The following RAB18 variants were observed in gnomAD, a reference collection of about 807,000 sequenced individuals.
RAB18 encodes RAB18, member RAS oncogene family.
RAB18 carries 10 observed loss-of-function variants against 28.5 expected under a neutral mutation model. The observed-to-expected ratio is 0.35, with a 90% confidence interval of 0.22 to 0.60. The LOEUF is 0.60. Ranked by LOEUF, RAB18 falls within the 20% of genes least tolerant of loss-of-function variation. RAB18 has a pLI of 0.78. For missense variants in RAB18, 188 were observed against 244.2 expected, an observed-to-expected ratio of 0.77 and a Z score of 1.53; for synonymous variants, 93 against 86.9, an observed-to-expected ratio of 1.07 and a Z score of -0.39.
chr10:27,517,180 T>C (rs538390958), intron 2 of RAB18, among the ~76,000 whole-genome samples: 31 of 152,164 alleles, frequency 2.0e-4, no homozygotes, highest in African/African-American at 7.0e-4. Flanking sequence ...CTGTCCAACA[T>C]GGTGAAACCC....
chr10:27,509,678 C>T (rs1280483986), intron 1 of RAB18, among the ~76,000 whole-genome samples, 197 bp from the exon 2 acceptor site: 1 of 152,116 alleles, frequency 6.6e-6, no homozygotes, highest in African/African-American at 2.4e-5. Context: ...CTACTTTGCT[C>T]TTGGGATTTT....
At chr10:27,526,018 G>A (rs1834665466) in intron 2 of RAB18, among the ~76,000 whole-genome samples, 1 of 152,212 alleles carries the variant, frequency 6.6e-6, no homozygotes, top group Non-Finnish European at 1.5e-5. Context: ...CATGTGGGCA[G>A]TTGCTGTTCA....
rs146118114 is a variant in RAB18 at position 27,535,853 on chromosome 10, G to A, written c.445+1859G>A. On this transcript the variant is annotated intron_variant, in intron 6 of 6. Transcript: ENST00000356940. ...TGTAATCTCAGCACTTTGGGAGGCCGAGGCAGGCGGATTACGAGGTCAGGA... is the reference window on the plus strand; with the variant it reads ...TGTAATCTCAGCACTTTGGGAGGCCAAGGCAGGCGGATTACGAGGTCAGGA... Among the ~76,000 whole-genome samples, 1,500 of 152,238 alleles carry A rather than the reference G, an allele frequency of 9.9e-3. 11 individuals carry two copies. The highest frequency in any genetic ancestry group is 0.016 in the Non-Finnish European group (1,057 of 67,994).
At position 27,541,174 on chromosome 10, in the gene RAB18, G is replaced by A. The variant is rs776137818; in HGVS notation, c.*3123G>A. 11 of 453,670 alleles carry A rather than the reference G, an allele frequency of 2.4e-5. No homozygotes were observed. Among genetic ancestry groups the A allele is most frequent in the African/African-American group, 1.0e-4 (5 of 49,896 alleles). The allele number at this position is 453,670 out of a possible 1,614,324, so 28.1% of individuals were successfully genotyped here. ...CCTAGTTAAGTATAGGGGTAAAAACGTTATTCAGCTTTCAGAAGACATTGT... is the reference window on the plus strand; with the variant it reads ...CCTAGTTAAGTATAGGGGTAAAAACATTATTCAGCTTTCAGAAGACATTGT... On this transcript the variant is annotated 3_prime_UTR_variant, in exon 7 of 7. Transcript: ENST00000356940.
intron 3 of RAB18, among the ~76,000 whole-genome samples, chr10:27,530,623 G>C (rs1319773950): frequency 6.6e-6 from 1 of 151,742 alleles, no homozygotes; most frequent in Admixed American, 6.6e-5. Flanking sequence ...ATTTTTTATT[G>C]AGTATGAATC....
intron 2 of RAB18, among the ~76,000 whole-genome samples, chr10:27,520,702 A>G (rs1365866696): frequency 6.6e-6 from 1 of 151,946 alleles, no homozygotes; most frequent in Non-Finnish European, 1.5e-5. Flanking sequence ...AGATTACCTG[A>G]GGTCAGGAGG....
At chr10:27,506,855 C>A (rs2138963027) in intron 1 of RAB18, among the ~76,000 whole-genome samples, 1 of 152,274 alleles carries the variant, frequency 6.6e-6, no homozygotes, top group South Asian at 2.1e-4. Flanking sequence ...TGGGCCTAAT[C>A]TGTTTTAAAC....
At position 27,540,618 on chromosome 10, in the gene RAB18, GAGTGGACTGAAAATCCTGACTTAGAAA is replaced by G. The variant is rs1416849753; in HGVS notation, c.*2570_*2596del. ...TGGTCTTATTTCTTTCACCTGCTCAGAGTGGACTGAAAATCCTGACTTAGAAAAGGTACAAAGTTAGGGGACTTATGG... is the reference window on the plus strand; with the variant it reads ...TGGTCTTATTTCTTTCACCTGCTCAGAGGTACAAAGTTAGGGGACTTATGG... On this transcript the variant is annotated 3_prime_UTR_variant, in exon 7 of 7. Coordinates refer to ENST00000356940, the MANE Select transcript of RAB18 (RefSeq NM_021252.5). 6.6e-6 allele frequency: 3 copies of G among 454,110 alleles called. No homozygotes were observed. The highest frequency in any genetic ancestry group is 1.3e-5 in the Non-Finnish European group (3 of 226,780). 28.1% of individuals were successfully genotyped at this position (454,110 alleles called of 1,614,324 possible).
At chr10:27,535,710 G>A (rs1834880479) in intron 6 of RAB18, among the ~76,000 whole-genome samples, 1 of 152,154 alleles carries the variant, frequency 6.6e-6, no homozygotes, top group Admixed American at 6.5e-5. Flanking sequence ...CGTAGAGGGT[G>A]GTAGAAAATT....
chr10:27,540,002 C>G lies in RAB18; in HGVS notation c.*1951C>G, dbSNP rs1350754927. On this transcript the variant is annotated 3_prime_UTR_variant, in exon 7 of 7. Transcript: ENST00000356940. ...CAGTTGTAATATCTAAGGTCAGGCA[C>G]CTAGTAACAGGGTTTTGTTAATTCT... is the stretch of plus-strand genomic sequence containing the variant. The G allele has an allele frequency of 2.2e-6, 1 of 453,840 alleles. No individual in the cohort carries two copies. Among genetic ancestry groups the G allele is most frequent in the Admixed American group, 2.3e-5 (1 of 42,554 alleles). The allele number at this position is 453,840 out of a possible 1,614,324, so 28.1% of individuals were successfully genotyped here. A position where few individuals can be genotyped will look rare whatever the true frequency, so the allele number is the denominator to read the frequency against.
chr10:27,507,233 C>T (rs1228130443), intron 1 of RAB18, among the ~76,000 whole-genome samples: 4 of 126,704 alleles, frequency 3.2e-5, no homozygotes, highest in Non-Finnish European at 4.9e-5. Context: ...ATGTTTAATC[C>T]GAATTAGTGG....
intron 3 of RAB18, among the ~76,000 whole-genome samples, chr10:27,531,934 CTAACA>C (rs1424568851): frequency 6.6e-6 from 1 of 151,788 alleles, no homozygotes; most frequent in Non-Finnish European, 1.5e-5. Flanking sequence ...TTCACTAACC[CTAACA>C]TGAGTCAGAA....
chr10:27,532,821 G>A lies in RAB18; in HGVS notation c.259+242G>A, dbSNP rs11015852. 0.037 allele frequency among the ~76,000 whole-genome samples: 5,577 copies of A among 152,118 alleles called. 319 individuals are homozygous for A. The highest frequency in any genetic ancestry group is 0.13 in the African/African-American group (5,202 of 41,508). ...TTTGAAAACACATGTCAATGAGAAC[G>A]TAATTGAGGATTAATCAGCATATGT... On this transcript the variant is annotated intron_variant, in intron 4 of 6. Coordinates refer to ENST00000356940, the MANE Select transcript of RAB18 (RefSeq NM_021252.5).
rs1223605597 is a variant in RAB18 at position 27,541,153 on chromosome 10, G to A, written c.*3102G>A. ...ATTTTGTCTTTCCTGTATTTCCCTA[G>A]TTAAGTATAGGGGTAAAAACGTTAT... On this transcript the variant is annotated 3_prime_UTR_variant, in exon 7 of 7. Coordinates refer to ENST00000356940, the MANE Select transcript of RAB18 (RefSeq NM_021252.5). The A allele has an allele frequency of 2.9e-5, 13 of 453,726 alleles. No individual in the cohort carries two copies. The highest frequency in any genetic ancestry group is 5.7e-5 in the Non-Finnish European group (13 of 226,756). The allele number at this position is 453,726 out of a possible 1,614,324, so 28.1% of individuals were successfully genotyped here.
chr10:27,537,650 G>GT (rs1424460701), intron 6 of RAB18, among the ~76,000 whole-genome samples: 4 of 152,148 alleles, frequency 2.6e-5, no homozygotes, highest in Non-Finnish European at 5.9e-5. Flanking sequence ...ATAAACCAGT[G>GT]TTTTTTTGGT....
At chr10:27,528,069 C>T (rs565853689) in intron 3 of RAB18, among the ~76,000 whole-genome samples, 2 of 152,118 alleles carry the variant, frequency 1.3e-5, no homozygotes, top group South Asian at 4.1e-4. Flanking sequence ...TTTTTCCATA[C>T]TAAAGTGGGG....
intron 1 of RAB18, chr10:27,505,320 C>T: frequency 5.5e-6 from 2 of 365,778 alleles, no homozygotes; most frequent in South Asian, 4.1e-5. Context: ...CCGTCCTGAT[C>T]CTTAAACCAC....
At position 27,541,083 on chromosome 10, in the gene RAB18, T is replaced by C. The variant is rs1001468299; in HGVS notation, c.*3032T>C. On this transcript the variant is annotated 3_prime_UTR_variant, in exon 7 of 7. Coordinates refer to ENST00000356940, the MANE Select transcript of RAB18 (RefSeq NM_021252.5). The stretch of plus-strand genomic sequence containing the variant: ...TCCTCTCCATATTCAAGCATTATGC[T>C]TCTCTTTCTTGGGGGTACATTTCAC... The C allele has an allele frequency of 6.6e-6, 3 of 453,826 alleles. No homozygotes were observed. Among genetic ancestry groups the C allele is most frequent in the African/African-American group, 6.0e-5 (3 of 49,980 alleles). 28.1% of individuals were successfully genotyped at this position (453,826 alleles called of 1,614,324 possible).
chr10:27,523,378 T>TC (rs1033549645), intron 2 of RAB18, among the ~76,000 whole-genome samples: 27 of 151,502 alleles, frequency 1.8e-4, no homozygotes, highest in African/African-American at 6.3e-4. Context: ...AGATATATTT[T>TC]CCCCCCTTCT....
Sources: gnomAD v4.1 joint callset for allele counts (sites outside exome capture counted in the v4.1 genomes callset) on GRCh38, gnomAD v4.1.1 for gene constraint, MANE v1.5 for transcripts, NCBI Gene and HGNC (gene_info 2026-07-23, HGNC 2026-07-21) for gene names.